EFS: variants seen among roughly 807,000 people sequenced by gnomAD.
EFS encodes Cas scaffolding protein family member 3.
Under a neutral mutation model 42.2 loss-of-function variants are expected in EFS, and 34 were observed. That is an observed-to-expected ratio of 0.81 (90% CI 0.61 to 1.07). The LOEUF (loss-of-function observed/expected upper bound fraction) is 1.07, where lower values mean the gene tolerates loss of function less well. Among genes scored for constraint, EFS ranks in the 50% least tolerant of loss-of-function variants. The probability of loss-of-function intolerance (pLI) is 0.00; values close to 1 mark genes in which losing one functional copy is unlikely to be tolerated. For missense variants in EFS, 717 were observed against 729.4 expected (o/e 0.98, Z 0.20); for synonymous variants, 299 against 320.7 (o/e 0.93, Z 0.72).
chr14:23,363,933 C>CAAA (rs142088064), intron 1 of EFS, among the ~76,000 whole-genome samples: 2 of 116,726 alleles, frequency 1.7e-5, no homozygotes, highest in Admixed American at 9.1e-5. Context: ...GACCTTGTCT[C>CAAA]AAAAAAAAAA....
intron 1 of EFS, 86 bp downstream of exon 1, chr14:23,364,920 CAA>C (rs1395956209): frequency 2.0e-5 from 24 of 1,177,116 alleles, no homozygotes; most frequent in Non-Finnish European, 2.3e-5. Flanking sequence ...AGGAGAGAGA[CAA>C]AGAGAGGGCA....
Position 23,359,464 on chromosome 14 carries a change from G to T in EFS, c.1014C>A (p.Pro338=). 1 of 1,602,392 alleles carries T rather than the reference G, an allele frequency of 6.2e-7. No individual in the cohort carries two copies. The highest frequency in any genetic ancestry group is 1.1e-5 in the South Asian group (1 of 89,924). ...RKGSIQDRPL[P]PPPPRLPGYG... ...AACCAGGCAGGCGGGGTGGGGGTGG[G>T]GGCAGAGGCCGGTCCTGGATGCTGC... is the stretch of plus-strand genomic sequence containing the variant. The change falls in exon 4 of 6, where the codon CCC becomes CCA. Residue 338 remains proline (P), a synonymous_variant. Transcript: ENST00000216733.
chr14:23,362,092 G>GCCTTCTT (rs1890172967), intron 1 of EFS, among the ~76,000 whole-genome samples: 1 of 152,224 alleles, frequency 6.6e-6, no homozygotes, highest in Non-Finnish European at 1.5e-5. Context: ...GCATAGGAAA[G>GCCTTCTT]CCTTCTTATA....
rs1378418767 is a variant in EFS at position 23,359,933 on chromosome 14, C to T, written c.545G>A (p.Gly182Glu). 1 of 1,561,794 alleles carries T rather than the reference C, an allele frequency of 6.4e-7. No homozygotes were observed. The highest frequency in any genetic ancestry group is 8.7e-7 in the Non-Finnish European group (1 of 1,154,890). ...CACATCATAGGGAGCATCATCCTCT[C>T]CAGGGGGCTGCGGGGCAACCCGGGT... ...PLTRVAPQPP[G>E]EDDAPYDVPL... Residue 182 changes from glycine to glutamate, a missense_variant, in exon 4 of 6, where the codon GGA becomes GAA. Gly to Glu is a moderately conservative substitution (Grantham distance 98). Coordinates refer to ENST00000216733, the MANE Select transcript of EFS (RefSeq NM_005864.4).
Position 23,359,105 on chromosome 14 carries a change from G to A in EFS, c.1162-140C>T, listed in dbSNP as rs1203036111. On this transcript the variant is annotated intron_variant, in intron 4 of 5. Coordinates refer to ENST00000216733, the MANE Select transcript of EFS (RefSeq NM_005864.4). The stretch of plus-strand genomic sequence containing the variant: ...CAGAGGTTGTAGTCCCTTGACTCCA[G>A]AGAGCTCTGGTGGCCCCAGGCTGGG... 8.1e-6 allele frequency: 9 copies of A among 1,113,132 alleles called. No individual in the cohort carries two copies. The East Asian group carries it at 2.2e-4, about 27-fold the overall frequency. The allele number at this position is 1,113,132 out of a possible 1,614,324, so 69.0% of individuals were successfully genotyped here. A position where few individuals can be genotyped will look rare whatever the true frequency, so the allele number is the denominator to read the frequency against.
rs377287348 is a variant in EFS at position 23,365,000 on chromosome 14, G to C, written c.18+8C>G. On this transcript the variant is annotated splice_region_variant and intron_variant, in intron 1 of 5. Transcript: ENST00000216733. ...TCCCCGGCAGCCTCCACTCCCTGGT[G>C]GACTCACCGACGTGGCAATGGCCAT... The C allele has an allele frequency of 7.1e-5, 95 of 1,333,098 alleles. No individual in the cohort carries two copies. The African/African-American group carries it at 1.2e-3, about 17-fold the overall frequency. 82.6% of individuals were successfully genotyped at this position (1,333,098 alleles called of 1,614,324 possible). A position where few individuals can be genotyped will look rare whatever the true frequency, so the allele number is the denominator to read the frequency against.
Position 23,360,652 on chromosome 14 carries a change from G to C in EFS, c.200C>G (p.Pro67Arg), listed in dbSNP as rs1595027750. 1 of 1,612,986 alleles carries C rather than the reference G, an allele frequency of 6.2e-7. No homozygotes were observed. The highest frequency in any genetic ancestry group is 8.5e-7 in the Non-Finnish European group (1 of 1,179,462). ...IVPANRVKLL[P>R]AGPAPKPSLS... is the part of the protein sequence containing the mutation. ...GCTGGGCTTGGGTGCTGGGCCAGCAGGCAAGAGCTTCACCCTGTTGGCGGG... is the reference window on the plus strand; with the variant it reads ...GCTGGGCTTGGGTGCTGGGCCAGCACGCAAGAGCTTCACCCTGTTGGCGGG... Residue 67 changes from proline to arginine, a missense_variant, in exon 2 of 6, where the codon CCT (proline) becomes CGT (arginine). Coordinates refer to ENST00000216733, the MANE Select transcript of EFS (RefSeq NM_005864.4).
rs778141150 is a variant in EFS at position 23,359,590 on chromosome 14, G to A, written c.888C>T (p.Leu296=). 18 of 1,490,778 alleles carry A rather than the reference G, an allele frequency of 1.2e-5. No homozygotes were observed. The highest frequency in any genetic ancestry group is 1.4e-5 in the Non-Finnish European group (16 of 1,124,812). The allele number at this position is 1,490,778 out of a possible 1,614,324, so 92.3% of individuals were successfully genotyped here. ...GGCGGGACAGGCTCTCAGCTGAGGG[G>A]AGCCGGGGCCTGTGTGGGGGTGGGG... The part of the protein sequence containing the change: ...RSPPPPHRPR[L]PSAESLSRRP... Residue 296 remains leucine (L), a synonymous_variant, in exon 4 of 6, where the codon CTC becomes CTT. Transcript: ENST00000216733.
Position 23,357,141 on chromosome 14 carries a change from TC to T in EFS, c.*84del, listed in dbSNP as rs572663870. 523 of 1,316,196 alleles carry T rather than the reference TC, an allele frequency of 4.0e-4. 2 individuals carry two copies. Among genetic ancestry groups the T allele is most frequent in the East Asian group, 3.4e-3 (138 of 41,168 alleles). The allele number at this position is 1,316,196 out of a possible 1,614,324, so 81.5% of individuals were successfully genotyped here. ...GGAAAGATACCCCCATTTCTCCTAG[TC>T]CCTTAACAAAGCCTTCCAGCCACCC... On this transcript the variant is annotated 3_prime_UTR_variant, in exon 6 of 6. Transcript: ENST00000216733.
In EFS at chr14:23,357,522, T is replaced by C; in HGVS notation, c.1390A>G (p.Asn464Asp). The C allele has an allele frequency of 1.9e-6, 3 of 1,613,808 alleles. No homozygotes were observed. Among genetic ancestry groups the C allele is most frequent in the Middle Eastern group, 1.7e-4 (1 of 6,024 alleles). ...VAALMSSTQA[N>D]QPPRLFVPHS... ...GGCACGAAAAGGCGCGGGGGCTGAT[T>C]AGCCTGGGTACTGGACATCAGGGCT... is the stretch of plus-strand genomic sequence containing the variant. The change falls in exon 6 of 6, where the codon AAT (asparagine) becomes GAT (aspartate). Residue 464 changes from asparagine to aspartate, a missense_variant. Physicochemically the swap from Asn to Asp is conservative, Grantham distance 23. Coordinates refer to ENST00000216733, the MANE Select transcript of EFS (RefSeq NM_005864.4).
At position 23,365,104 on chromosome 14, in the gene EFS, T is replaced by G. The variant is rs1486524756; in HGVS notation, c.-79A>C. ...CAGCGGTGGCTGCCCCGCACCATGG[T>G]CCGCGGCCTCTAGCCCCCAGCTGTG... On this transcript the variant is annotated 5_prime_UTR_variant, in exon 1 of 6. Transcript: ENST00000216733. This position sits in a 1 kb window ranked among gnomAD's most constrained non-coding sequence, Gnocchi z 5.3. The G allele has an allele frequency of 6.2e-5, 76 of 1,227,946 alleles. No homozygotes were observed. Among genetic ancestry groups the G allele is most frequent in the Non-Finnish European group, 7.6e-5 (73 of 966,466 alleles). The allele number at this position is 1,227,946 out of a possible 1,614,324, so 76.1% of individuals were successfully genotyped here.
At chr14:23,360,495 G>C in intron 2 of EFS, 60 bp downstream of exon 2, 1 of 1,516,070 alleles carries the variant, frequency 6.6e-7, no homozygotes, top group African/African-American at 1.4e-5. Context: ...CCCTGGGTGG[G>C]GCTAGTTGGG....
chr14:23,359,771 G>T lies in EFS; in HGVS notation c.707C>A (p.Pro236His). Residue 236 changes from proline (P) to histidine (H), a missense_variant, in exon 4 of 6, where the codon CCC becomes CAC. Coordinates refer to ENST00000216733, the MANE Select transcript of EFS (RefSeq NM_005864.4). ...CTCCCCGTCTGCCAGCAGTTCCTCG[G>T]GTGCTTCATACAAATTGAGTAAGGC... ...ASALLNLYEAPEELLADGEGG... is the reference protein window; with the variant it reads ...ASALLNLYEAHEELLADGEGG... 1 of 1,519,004 alleles carries T rather than the reference G, an allele frequency of 6.6e-7. No homozygotes were observed. The highest frequency in any genetic ancestry group is 8.8e-7 in the Non-Finnish European group (1 of 1,135,110). 94.1% of individuals were successfully genotyped at this position (1,519,004 alleles called of 1,614,324 possible).
chr14:23,359,046 G>A lies in EFS; in HGVS notation c.1162-81C>T, dbSNP rs1488291715. 3.7e-5 allele frequency: 49 copies of A among 1,317,712 alleles called. 1 individual carries two copies. Among genetic ancestry groups the A allele is most frequent in the South Asian group, 8.4e-5 (6 of 71,104 alleles). The allele number at this position is 1,317,712 out of a possible 1,614,324, so 81.6% of individuals were successfully genotyped here. A position where few individuals can be genotyped will look rare whatever the true frequency, so the allele number is the denominator to read the frequency against. On this transcript the variant is annotated intron_variant, in intron 4 of 5. Coordinates refer to ENST00000216733, the MANE Select transcript of EFS (RefSeq NM_005864.4). ...TCTGTGGCCTTTCTGCCCCTTCCCC[G>A]GACCCCCTTCCTTCCGAAGGACACT...
At position 23,360,793 on chromosome 14, in the gene EFS, G is replaced by A. The variant is rs201669687; in HGVS notation, c.59C>T (p.Ser20Phe). The A allele has an allele frequency of 1.2e-6, 2 of 1,613,746 alleles. 1 individual carries two copies. Among genetic ancestry groups the A allele is most frequent in the Admixed American group, 3.3e-5 (2 of 59,996 alleles). The change falls in exon 2 of 6, where the codon TCC (serine) becomes TTC (phenylalanine). Residue 20 changes from serine (S) to phenylalanine (F), a missense_variant. Physicochemically the swap from Ser to Phe is radical, Grantham distance 155 (BLOSUM62 -2). Coordinates refer to ENST00000216733, the MANE Select transcript of EFS (RefSeq NM_005864.4). Reference sequence around the variant, plus strand: ...TCGGCGGAAGGACAGCTCCTGGGGGGACTCAGCGGTGTTGTCATACAGTGC... The same window carrying A: ...TCGGCGGAAGGACAGCTCCTGGGGGAACTCAGCGGTGTTGTCATACAGTGC... ...ARALYDNTAE[S>F]PQELSFRRGD...
Position 23,356,917 on chromosome 14 carries a change from T to A in EFS, c.*309A>T. 4.4e-6 allele frequency: 1 copy of A among 226,554 alleles called. No individual in the cohort carries two copies. Among genetic ancestry groups the A allele is most frequent in the East Asian group, 8.8e-5 (1 of 11,306 alleles). The allele number at this position is 226,554 out of a possible 1,614,324, so 14.0% of individuals were successfully genotyped here. A position where few individuals can be genotyped will look rare whatever the true frequency, so the allele number is the denominator to read the frequency against. On this transcript the variant is annotated 3_prime_UTR_variant, in exon 6 of 6. Transcript: ENST00000216733. ...CCAGTCTTCCAGAGGTGGGTGGTAG[T>A]GCAGTGACCTCCACCCTAGGCTGAG...
At chr14:23,360,371 ACT>A in intron 2 of EFS, 90 bp from the exon 3 acceptor site, 1 of 1,521,816 alleles carries the variant, frequency 6.6e-7, no homozygotes, top group South Asian at 1.3e-5. Context: ...AGACCTTCTA[ACT>A]CTCCCTGTAT....
rs751872202 is a variant in EFS, at chr14:23,357,460, C to G, written c.1452G>C (p.Leu484=). The change falls in exon 6 of 6, where the codon CTG becomes CTC. Residue 484 remains leucine (L), a synonymous_variant. Transcript: ENST00000216733. ...SKRVVVAAHR[L]VFVGDTLGRL... ...GGCCCAGGGTGTCCCCAACAAACAC[C>G]AGGCGATGAGCAGCCACCACCACCC... The G allele has an allele frequency of 5.9e-5, 95 of 1,613,836 alleles. No homozygotes were observed. The highest frequency in any genetic ancestry group is 7.6e-5 in the Non-Finnish European group (90 of 1,180,002).
At chr14:23,361,878 G>A (rs1890165678) in intron 1 of EFS, among the ~76,000 whole-genome samples, 1 of 152,244 alleles carries the variant, frequency 6.6e-6, no homozygotes, top group South Asian at 2.1e-4. Context: ...AAAACTGGAA[G>A]AGGGAGGTTA....
Sources: allele counts gnomAD v4.1 joint callset (sites outside exome capture counted in the v4.1 genomes callset), GRCh38; gene constraint gnomAD v4.1.1; non-coding constraint Gnocchi (gnomAD v3.1); transcripts MANE v1.5; gene names NCBI Gene and HGNC (gene_info 2026-07-23, HGNC 2026-07-21).